The following SAMD3 variants were observed in gnomAD, a reference collection of about 807,000 sequenced individuals.
The protein encoded by SAMD3 is sterile alpha motif domain containing 3.
Under a neutral mutation model 58.5 loss-of-function variants are expected in SAMD3, and 63 were observed. The observed-to-expected ratio is 1.08, with a 90% CI of 0.88 to 1.33. The LOEUF is 1.33. SAMD3 is among the 40% of genes most tolerant of loss of function. The probability of loss-of-function intolerance (pLI) is 0.00; values close to 1 mark genes in which losing one functional copy is unlikely to be tolerated. For synonymous variants in SAMD3, 220 were observed against 210.3 expected, an observed-to-expected ratio of 1.05 and a Z score of -0.40; for missense variants, 604 against 608.4, an observed-to-expected ratio of 0.99 and a Z score of 0.08.
intron 8 of SAMD3, among the ~76,000 whole-genome samples, chr6:130,157,240 G>A (rs989011293): frequency 1.3e-5 from 2 of 151,750 alleles, no homozygotes; most frequent in Admixed American, 6.6e-5. Context: ...CGCAGAAAAA[G>A]TATCTTATAA....
At chr6:130,164,637 C>G (rs530769587) in intron 8 of SAMD3, among the ~76,000 whole-genome samples, 15 of 152,144 alleles carry the variant, frequency 9.9e-5, no homozygotes, top group African/African-American at 2.6e-4. Flanking sequence ...TTTATAGTGA[C>G]AAAAGTTTAT....
chr6:130,353,697 G>A (rs1777746285), intron 1 of SAMD3, among the ~76,000 whole-genome samples: 1 of 152,026 alleles, frequency 6.6e-6, no homozygotes, highest in Admixed American at 6.6e-5. Context: ...GGGAGCAAAG[G>A]GACAAAGGGA....
intron 2 of SAMD3, among the ~76,000 whole-genome samples, chr6:130,265,469 G>T (rs1204974723): frequency 6.6e-6 from 1 of 152,278 alleles, no homozygotes; most frequent in Middle Eastern, 3.4e-3. Flanking sequence ...GTACAGTAAG[G>T]ACTTCAACTG....
Position 130,209,624 on chromosome 6 carries a change from T to G in SAMD3, c.270-16A>C. The stretch of plus-strand genomic sequence containing the variant: ...ATCCCTGTAACTAAGAAAGAAGAGG[T>G]GGGTCAGGCACTATTCAAGAGGTGA... On this transcript the variant is annotated splice_polypyrimidine_tract_variant and intron_variant, in intron 4 of 11. Coordinates refer to ENST00000439090, the MANE Select transcript of SAMD3 (RefSeq NM_001017373.4). 6.6e-7 allele frequency: 1 copy of G among 1,523,800 alleles called. No individual in the cohort carries two copies. The highest frequency in any genetic ancestry group is 9.1e-7 in the Non-Finnish European group (1 of 1,098,250). The allele number at this position is 1,523,800 out of a possible 1,614,324, so 94.4% of individuals were successfully genotyped here.
intron 5 of SAMD3, among the ~76,000 whole-genome samples, chr6:130,189,534 T>C (rs1793337863): frequency 6.6e-6 from 1 of 152,216 alleles, no homozygotes; most frequent in Non-Finnish European, 1.5e-5. Context: ...CCCGTTTCTG[T>C]TAGCAACTCA....
In SAMD3 at chr6:130,165,517, A is replaced by T. The variant is rs551354449; in HGVS notation, c.822+10324T>A. Among the ~76,000 whole-genome samples the T allele has an allele frequency of 7.9e-5, 12 of 152,280 alleles. 1 individual carries two copies. The East Asian group carries it at 2.3e-3, about 29-fold the overall frequency. ...CAAAATTATTTTCACCAAATATCAAATTTAGAGTGAATTTACCCCATAAAG... is the reference window on the plus strand; with the variant it reads ...CAAAATTATTTTCACCAAATATCAATTTTAGAGTGAATTTACCCCATAAAG... On this transcript the variant is annotated intron_variant, in intron 8 of 11. Coordinates refer to ENST00000439090, the MANE Select transcript of SAMD3 (RefSeq NM_001017373.4).
chr6:130,257,629 C>T (rs892727707), intron 2 of SAMD3, among the ~76,000 whole-genome samples: 1 of 152,044 alleles, frequency 6.6e-6, no homozygotes, highest in Non-Finnish European at 1.5e-5. Context: ...CTAATTTACT[C>T]AAAATGTTAT....
intron 2 of SAMD3, among the ~76,000 whole-genome samples, chr6:130,236,608 T>A (rs1206206109): frequency 3.9e-5 from 6 of 152,160 alleles, no homozygotes; most frequent in Non-Finnish European, 8.8e-5. Context: ...GGTCTCAAAC[T>A]CCTGACCTTG....
chr6:130,169,865 G>A (rs1791082406), intron 8 of SAMD3, among the ~76,000 whole-genome samples: 1 of 152,090 alleles, frequency 6.6e-6, no homozygotes, highest in Non-Finnish European at 1.5e-5. Flanking sequence ...ACAACTGCTG[G>A]GGACAATTGA....
chr6:130,179,478 G>A (rs2114683429), intron 7 of SAMD3, among the ~76,000 whole-genome samples: 1 of 152,108 alleles, frequency 6.6e-6, no homozygotes, highest in Non-Finnish European at 1.5e-5. Flanking sequence ...GCAGTCCACA[G>A]CATCACGAGC....
intron 2 of SAMD3, among the ~76,000 whole-genome samples, chr6:130,267,895 T>C (rs1200103535): frequency 6.6e-6 from 1 of 152,228 alleles, no homozygotes; most frequent in Non-Finnish European, 1.5e-5. Context: ...GTCTTGCTGA[T>C]GCTCCCGGCC....
chr6:130,215,634 T>G (rs1224717163), intron 2 of SAMD3: 1 of 1,388,638 alleles, frequency 7.2e-7, no homozygotes, highest in Non-Finnish European at 9.3e-7. Context: ...CCCAGGTTTC[T>G]TCACAAAGAA....
intron 2 of SAMD3, among the ~76,000 whole-genome samples, chr6:130,252,627 C>T (rs1001928725): frequency 2.0e-5 from 3 of 152,190 alleles, no homozygotes; most frequent in African/African-American, 7.2e-5. Context: ...TGTTACAACA[C>T]TAGCTAAGAA....
chr6:130,183,351 GAA>G (rs533017471), intron 7 of SAMD3: 279 of 366,930 alleles, frequency 7.6e-4, no homozygotes, highest in Admixed American at 2.0e-3. Context: ...AAAAAAAAAG[GAA>G]AAAAAAAAAA....
chr6:130,231,080 T>C (rs565191986), intron 2 of SAMD3, among the ~76,000 whole-genome samples: 1 of 152,296 alleles, frequency 6.6e-6, no homozygotes, highest in East Asian at 1.9e-4. Context: ...TGATTTTAGT[T>C]ATGATAATAG....
chr6:130,215,206 T>A lies in SAMD3; in HGVS notation c.68A>T (p.His23Leu). The A allele has an allele frequency of 6.3e-7, 1 of 1,593,416 alleles. No individual in the cohort carries two copies. Among genetic ancestry groups the A allele is most frequent in the Non-Finnish European group, 8.6e-7 (1 of 1,162,134 alleles). The change falls in exon 3 of 12, where the codon CAT becomes CTT. Residue 23 changes from histidine (H) to leucine (L), a missense_variant. By Grantham distance (99) the His-to-Leu change is moderately conservative. Transcript: ENST00000439090. ...LVEKNLGELV[H>L]RFQEEEVSGA... Reference sequence around the variant, plus strand: ...CATAAACAACTCACCTTGAAATCTATGAACTAGCTCTCCTAAATTTTTCTC... The same window carrying A: ...CATAAACAACTCACCTTGAAATCTAAGAACTAGCTCTCCTAAATTTTTCTC...
chr6:130,207,519 T>G lies in SAMD3; in HGVS notation c.383+1976A>C, dbSNP rs143082726. On this transcript the variant is annotated intron_variant, in intron 5 of 11. Transcript: ENST00000439090. ...ACCCACACTTCCACAGTTATAGACA[T>G]GTGGACTGGCTGCATTTAGCAGCTT... Among the ~76,000 whole-genome samples, 138 of 152,146 alleles carry G rather than the reference T, an allele frequency of 9.1e-4. 3 individuals are homozygous for G. The East Asian group carries it at 0.024, about 26-fold the overall frequency.
At chr6:130,286,867 G>A (rs1775174828) in intron 2 of SAMD3, among the ~76,000 whole-genome samples, 3 of 152,000 alleles carry the variant, frequency 2.0e-5, no homozygotes, top group African/African-American at 4.8e-5. Context: ...ACACAACCAC[G>A]CCTGGCTAAT....
chr6:130,235,051 G>A (rs954372789), intron 2 of SAMD3, among the ~76,000 whole-genome samples: 1 of 152,160 alleles, frequency 6.6e-6, no homozygotes, highest in African/African-American at 2.4e-5. Context: ...GGAGGTCAAG[G>A]CTGCTGTGAG....
Sources: gnomAD v4.1 joint callset for allele counts (sites outside exome capture counted in the v4.1 genomes callset) on GRCh38, gnomAD v4.1.1 for gene constraint, MANE v1.5 for transcripts, NCBI Gene and HGNC (gene_info 2026-07-23, HGNC 2026-07-21) for gene names.